EFCAB11: variants seen among roughly 807,000 people sequenced by gnomAD.
EFCAB11 encodes the protein EF-hand calcium binding domain 11.
In EFCAB11, 14 loss-of-function variants were observed where a neutral mutation model predicts 23.0. The ratio of observed to expected loss-of-function variants is 0.61; its 90% CI spans 0.40 to 0.95. The LOEUF (loss-of-function observed/expected upper bound fraction) is 0.95. Ranked by LOEUF, EFCAB11 falls within the 40% of genes least tolerant of loss-of-function variation. The pLI, the probability that EFCAB11 is intolerant of heterozygous loss-of-function variation, is 0.00. For synonymous variants in EFCAB11, 65 were observed against 66.6 expected, an observed-to-expected ratio of 0.98 and a Z score of 0.11; for missense variants, 198 against 195.8, an observed-to-expected ratio of 1.01 and a Z score of -0.07.
chr14:89,812,803 C>A (rs1170521602), intron 5 of EFCAB11, among the ~76,000 whole-genome samples: 1 of 152,076 alleles, frequency 6.6e-6, no homozygotes, highest in Non-Finnish European at 1.5e-5. Flanking sequence ...TTAGATTGTC[C>A]TAAAATTCAA....
chr14:89,885,743 A>G lies in EFCAB11; in HGVS notation c.410+45798T>C, dbSNP rs1331897969. Among the ~76,000 whole-genome samples, 3 of 70,618 alleles carry G rather than the reference A, an allele frequency of 4.2e-5. 1 individual carries two copies. The highest frequency in any genetic ancestry group is 8.0e-4 in the South Asian group (2 of 2,514). The allele number at this position is 70,618 out of a possible 152,430, so 46.3% of individuals were successfully genotyped here. On this transcript the variant is annotated intron_variant, in intron 5 of 5. Coordinates refer to ENST00000316738, the MANE Select transcript of EFCAB11 (RefSeq NM_145231.4). ...AGAGAGAGAAAGAGAGAGAGAGAGA[A>G]AGAAAGGAAAGAAAGGAAAGAAAGA...
intron 5 of EFCAB11, among the ~76,000 whole-genome samples, chr14:89,892,906 AAAAAG>A (rs983788195): frequency 9.2e-5 from 14 of 152,080 alleles, no homozygotes; most frequent in African/African-American, 2.2e-4. Context: ...TGTTTCAAAA[AAAAAG>A]AAAAGAAAAG....
chr14:89,854,290 C>T (rs1257372646), intron 5 of EFCAB11, among the ~76,000 whole-genome samples: 1 of 151,922 alleles, frequency 6.6e-6, no homozygotes, highest in East Asian at 1.9e-4. Context: ...TAAAAGCAAG[C>T]TCCATGTAAT....
intron 5 of EFCAB11, among the ~76,000 whole-genome samples, chr14:89,813,907 C>T (rs1886236508): frequency 6.6e-6 from 1 of 152,102 alleles, no homozygotes; most frequent in Non-Finnish European, 1.5e-5. Context: ...TTGACTTCTG[C>T]GGAGAAGGAA....
chr14:89,865,774 C>T (rs1057261022), intron 5 of EFCAB11, among the ~76,000 whole-genome samples: 19 of 152,142 alleles, frequency 1.2e-4, no homozygotes, highest in Non-Finnish European at 2.4e-4. Flanking sequence ...ATGGGATTCT[C>T]CTGCTTCAGA....
chr14:89,802,966 G>C (rs965222725), intron 5 of EFCAB11, among the ~76,000 whole-genome samples: 1 of 152,150 alleles, frequency 6.6e-6, no homozygotes, highest in African/African-American at 2.4e-5. Flanking sequence ...TTTTGGACCA[G>C]ACAATGCTCT....
intron 5 of EFCAB11, among the ~76,000 whole-genome samples, chr14:89,833,861 A>C (rs1364353946): frequency 6.6e-6 from 1 of 152,202 alleles, no homozygotes; most frequent in African/African-American, 2.4e-5. Flanking sequence ...AGAACTACAG[A>C]GCAAAATGAA....
At chr14:89,941,977 G>C (rs954429233) in intron 3 of EFCAB11, among the ~76,000 whole-genome samples, 1 of 152,132 alleles carries the variant, frequency 6.6e-6, no homozygotes, top group Non-Finnish European at 1.5e-5. Context: ...TGAATCATGA[G>C]GGCTGACTTC....
intron 5 of EFCAB11, among the ~76,000 whole-genome samples, chr14:89,845,112 TA>T (rs1306178421): frequency 1.3e-5 from 2 of 152,228 alleles, no homozygotes; most frequent in African/African-American, 4.8e-5. Context: ...AAATAGGGGT[TA>T]AAAAGTCTTC....
chr14:89,824,711 G>T (rs1383727799), intron 5 of EFCAB11, among the ~76,000 whole-genome samples: 1 of 151,998 alleles, frequency 6.6e-6, no homozygotes, highest in Non-Finnish European at 1.5e-5. Context: ...AGCAAAGAAA[G>T]AATAGCCACA....
At chr14:89,887,706 A>C (rs1191154311) in intron 5 of EFCAB11, among the ~76,000 whole-genome samples, 1 of 152,234 alleles carries the variant, frequency 6.6e-6, no homozygotes, top group Non-Finnish European at 1.5e-5. Flanking sequence ...AAGACAACAG[A>C]CTGTAAATAT....
intron 5 of EFCAB11, chr14:89,799,497 T>C (rs1382169695): frequency 6.6e-6 from 1 of 152,130 alleles, no homozygotes; most frequent in East Asian, 1.9e-4. Flanking sequence ...TGGGTAGAAT[T>C]AGTGACTGGC....
intron 5 of EFCAB11, among the ~76,000 whole-genome samples, chr14:89,900,049 T>G (rs994541983): frequency 1.3e-5 from 2 of 152,212 alleles, no homozygotes; most frequent in Non-Finnish European, 2.9e-5. Flanking sequence ...ATTACTCTCT[T>G]GCACTTGGAG....
intron 5 of EFCAB11, among the ~76,000 whole-genome samples, chr14:89,859,497 G>A (rs530144498): frequency 6.6e-6 from 1 of 152,214 alleles, no homozygotes; most frequent in Non-Finnish European, 1.5e-5. Flanking sequence ...GTATAGGCCT[G>A]TTCCTACAAA....
intron 5 of EFCAB11, among the ~76,000 whole-genome samples, chr14:89,889,748 C>T (rs1888903593): frequency 6.6e-6 from 1 of 152,224 alleles, no homozygotes; most frequent in Non-Finnish European, 1.5e-5. Context: ...ACAATTAAAC[C>T]CTGGGCACTG....
intron 5 of EFCAB11, among the ~76,000 whole-genome samples, chr14:89,916,546 C>T (rs142049658): frequency 1.3e-5 from 2 of 152,186 alleles, no homozygotes; most frequent in African/African-American, 4.8e-5. Flanking sequence ...TTGAAATAGG[C>T]CCAGAAAAAA....
chr14:89,839,828 G>C (rs1262287373), intron 5 of EFCAB11, among the ~76,000 whole-genome samples: 1 of 151,920 alleles, frequency 6.6e-6, no homozygotes. Context: ...TTCATACTCT[G>C]TAACAACCAG....
rs145456494 is a variant in EFCAB11, at chr14:89,860,630, A to G, written c.411-63306T>C. ...CTAGGCATAAAATAAGCTTATAGAA[A>G]ACATTAGTTTTGGAATCTGAATCAA... On this transcript the variant is annotated intron_variant, in intron 5 of 5. Coordinates refer to ENST00000316738, the MANE Select transcript of EFCAB11 (RefSeq NM_145231.4). 6.8e-3 allele frequency among the ~76,000 whole-genome samples: 1,031 copies of G among 152,366 alleles called. 11 individuals are homozygous for G. The highest frequency in any genetic ancestry group is 0.023 in the African/African-American group (969 of 41,588).
chr14:89,946,541 A>AT (rs368163759), intron 3 of EFCAB11, among the ~76,000 whole-genome samples: 400 of 151,822 alleles, frequency 2.6e-3, no homozygotes, highest in African/African-American at 9.4e-3. Context: ...ATTTCCATCT[A>AT]TTTTTTGTTC....
Sources: allele counts gnomAD v4.1 joint callset (sites outside exome capture counted in the v4.1 genomes callset), GRCh38; gene constraint gnomAD v4.1.1; transcripts MANE v1.5; gene names NCBI Gene and HGNC (gene_info 2026-07-23, HGNC 2026-07-21).